Variants in DMXL1 observed in about 807,000 individuals in gnomAD.
The protein encoded by DMXL1 is dmX-like protein 1.
DMXL1 carries 99 observed loss-of-function variants against 319.2 expected under a neutral mutation model. The observed-to-expected ratio is 0.31, with a 90% CI of 0.26 to 0.37. The LOEUF (loss-of-function observed/expected upper bound fraction) is 0.37, where lower values mean the gene tolerates loss of function less well. DMXL1 is among the 10% of genes least tolerant of loss of function. The probability of loss-of-function intolerance (pLI) is 1.00; values close to 1 mark genes in which losing one functional copy is unlikely to be tolerated. For synonymous variants in DMXL1, 1,385 were observed against 1,235.2 expected (o/e 1.12, Z -2.54); for missense variants, 3,745 against 3,595.6 (o/e 1.04, Z -1.06).
At chr5:119,208,903 C>T (rs1052751829) in intron 34 of DMXL1, among the ~76,000 whole-genome samples, 1 of 152,096 alleles carries the variant, frequency 6.6e-6, no homozygotes, top group East Asian at 1.9e-4. Context: ...AAACTTTTTC[C>T]TGGTGTTAAA....
intron 38 of DMXL1, among the ~76,000 whole-genome samples, chr5:119,225,814 A>T (rs561577851): frequency 1.3e-5 from 2 of 152,316 alleles, no homozygotes; most frequent in South Asian, 4.1e-4. Flanking sequence ...ATTCATCGCT[A>T]GAAGTGTGTA....
chr5:119,163,611 C>T (rs1233934081), intron 19 of DMXL1, among the ~76,000 whole-genome samples: 2 of 152,024 alleles, frequency 1.3e-5, no homozygotes, highest in African/African-American at 2.4e-5. Flanking sequence ...GTTTTGAAGA[C>T]GGAGTCTCAC....
rs758615375 is a variant in DMXL1 at position 119,133,285 on chromosome 5, C to G, written c.1469C>G (p.Ala490Gly). The G allele has an allele frequency of 1.9e-6, 3 of 1,614,050 alleles. No individual in the cohort carries two copies. The highest frequency in any genetic ancestry group is 2.5e-6 in the Non-Finnish European group (3 of 1,180,004). ...CTTCTGTCTGAATGGAGTAAAAATGCAGATATGCTATTTAGTATTCATCCC... is the reference window on the plus strand; with the variant it reads ...CTTCTGTCTGAATGGAGTAAAAATGGAGATATGCTATTTAGTATTCATCCC... The part of the protein sequence containing the change: ...EVLLSEWSKN[A>G]DMLFSIHPMD... Residue 490 changes from alanine to glycine, a missense_variant, in exon 11 of 44, where the codon GCA (alanine) becomes GGA (glycine). Physicochemically the swap from Ala to Gly is moderately conservative, Grantham distance 60 (BLOSUM62 0). Transcript: ENST00000539542.
At chr5:119,115,069 A>G (rs965518057) in intron 6 of DMXL1, among the ~76,000 whole-genome samples, 2 of 152,224 alleles carry the variant, frequency 1.3e-5, no homozygotes, top group South Asian at 4.1e-4. Context: ...ATCTGGATAT[A>G]AATCTGCCAT....
At chr5:119,093,862 A>G (rs1444813137) in intron 1 of DMXL1, among the ~76,000 whole-genome samples, 1 of 152,234 alleles carries the variant, frequency 6.6e-6, no homozygotes, top group Non-Finnish European at 1.5e-5. Flanking sequence ...ACCAGCCACA[A>G]CATTCCTTTA....
intron 7 of DMXL1, 144 bp from the exon 8 acceptor site, chr5:119,118,671 T>C (rs1761373921): frequency 1.8e-6 from 1 of 544,466 alleles, no homozygotes; most frequent in East Asian, 3.1e-5. Flanking sequence ...GGCAAGCATT[T>C]GCTGTGATGA....
chr5:119,225,966 T>C (rs1785474479), intron 38 of DMXL1, among the ~76,000 whole-genome samples: 3 of 152,170 alleles, frequency 2.0e-5, no homozygotes, highest in Admixed American at 1.3e-4. Flanking sequence ...TGCTTAAAAC[T>C]ACCCTATTCT....
chr5:119,203,065 G>C (rs1781113299), intron 32 of DMXL1, among the ~76,000 whole-genome samples: 1 of 151,710 alleles, frequency 6.6e-6, no homozygotes, highest in African/African-American at 2.4e-5. Flanking sequence ...AAGTACTTTA[G>C]TTAAGGGATA....
Position 119,122,223 on chromosome 5 carries a change from G to A in DMXL1, c.1102+1084G>A, listed in dbSNP as rs541734095. On this transcript the variant is annotated intron_variant, in intron 9 of 43. Coordinates refer to ENST00000539542, the MANE Select transcript of DMXL1 (RefSeq NM_001290321.3). Reference sequence around the variant, plus strand: ...CCAGTAGGGGCGGCCGGGCAGAGGCGCCCCTCACCTCCCGGACGGGGCGGC... The same window carrying A: ...CCAGTAGGGGCGGCCGGGCAGAGGCACCCCTCACCTCCCGGACGGGGCGGC... Among the ~76,000 whole-genome samples, 318 of 134,692 alleles carry A rather than the reference G, an allele frequency of 2.4e-3. 4 individuals are homozygous for A. Among genetic ancestry groups the A allele is most frequent in the African/African-American group, 7.9e-3 (276 of 35,136 alleles). 88.4% of individuals were successfully genotyped at this position (134,692 alleles called of 152,430 possible).
At chr5:119,117,864 C>G (rs904714009) in intron 7 of DMXL1, among the ~76,000 whole-genome samples, 26 of 152,192 alleles carry the variant, frequency 1.7e-4, no homozygotes, top group African/African-American at 6.3e-4. Flanking sequence ...GGCTACTAGA[C>G]AATATTTTGA....
At chr5:119,086,099 G>C (rs2149713983) in intron 1 of DMXL1, among the ~76,000 whole-genome samples, 1 of 152,278 alleles carries the variant, frequency 6.6e-6, no homozygotes, top group East Asian at 1.9e-4. Flanking sequence ...GACTGGGGAG[G>C]CCTCACAATC....
chr5:119,147,236 T>C lies in DMXL1; in HGVS notation c.2690-13T>C, dbSNP rs1465576140. On this transcript the variant is annotated splice_polypyrimidine_tract_variant and intron_variant, in intron 16 of 43. Coordinates refer to ENST00000539542, the MANE Select transcript of DMXL1 (RefSeq NM_001290321.3). ...CCTGCCTCAGTTTTTGGTTCTTTTC[T>C]TATGTTTTGTAGATGAAAAAGTAGA... The C allele has an allele frequency of 1.2e-6, 2 of 1,606,814 alleles. No homozygotes were observed. Among genetic ancestry groups the C allele is most frequent in the Non-Finnish European group, 1.7e-6 (2 of 1,175,542 alleles).
At chr5:119,110,072 T>A in intron 4 of DMXL1, 79 bp from the exon 5 acceptor site, 1 of 1,324,820 alleles carries the variant, frequency 7.5e-7, no homozygotes, top group Non-Finnish European at 1.0e-6. Context: ...AGAAGTTGTT[T>A]TATATGAAAT....
chr5:119,196,510 C>T (rs558399951), intron 31 of DMXL1, 54 bp downstream of exon 31: 16 of 911,046 alleles, frequency 1.8e-5, no homozygotes, highest in East Asian at 5.7e-5. Context: ...ACTTACTACT[C>T]TGTTGTTTTT....
chr5:119,075,726 A>T (rs569647611), intron 1 of DMXL1, among the ~76,000 whole-genome samples: 11 of 122,500 alleles, frequency 9.0e-5, no homozygotes, highest in South Asian at 2.3e-4. Flanking sequence ...GGTCTTTTTT[A>T]AAAAAAAAAC....
chr5:119,196,099 C>T (rs1367081003), intron 30 of DMXL1, among the ~76,000 whole-genome samples: 2 of 152,110 alleles, frequency 1.3e-5, no homozygotes, highest in Non-Finnish European at 2.9e-5. Flanking sequence ...AGAGATCCTT[C>T]TTCATTCTTC....
intron 1 of DMXL1, among the ~76,000 whole-genome samples, chr5:119,087,479 T>C (rs1196244632): frequency 6.6e-6 from 1 of 152,226 alleles, no homozygotes; most frequent in East Asian, 1.9e-4. Flanking sequence ...AGGGTTTTCT[T>C]ACTGATTTCT....
At chr5:119,121,261 T>C (rs1236770482) in intron 9 of DMXL1, 122 bp downstream of exon 9, 1 of 750,158 alleles carries the variant, frequency 1.3e-6, no homozygotes, top group Admixed American at 3.8e-5. Context: ...AGCCTATTTT[T>C]CTTTTTTTTT....
At chr5:119,107,797 G>C (rs113372806) in intron 4 of DMXL1, among the ~76,000 whole-genome samples, 5,982 of 151,642 alleles carry the variant, frequency 0.039, 315 homozygotes, top group African/African-American at 0.12. Context: ...CTTTTTTTTG[G>C]CCCCTGTCTA....
Sources: allele counts gnomAD v4.1 joint callset (sites outside exome capture counted in the v4.1 genomes callset), GRCh38; gene constraint gnomAD v4.1.1; transcripts MANE v1.5; gene names NCBI Gene and HGNC (gene_info 2026-07-23, HGNC 2026-07-21).